The following ALK variants were observed in gnomAD, a reference collection of about 807,000 sequenced individuals.
The protein encoded by ALK is ALK receptor tyrosine kinase.
A neutral mutation model predicts 163.1 loss-of-function variants in ALK; 74 were observed. The observed-to-expected ratio is 0.45, with a 90% CI of 0.38 to 0.55. ALK has a LOEUF of 0.55. ALK is among the 20% of genes least tolerant of loss of function. ALK has a pLI of 0.00. For missense variants in ALK, 2,063 were observed against 2,105.3 expected, an observed-to-expected ratio of 0.98 and a Z score of 0.39; for synonymous variants, 960 against 843.2, an observed-to-expected ratio of 1.14 and a Z score of -2.40.
At position 29,667,198 on chromosome 2, in the gene ALK, A is replaced by G. The variant is rs539509812; in HGVS notation, c.952+27652T>C. 2.0e-5 allele frequency among the ~76,000 whole-genome samples: 3 copies of G among 152,230 alleles called. No homozygotes were observed. In the South Asian group the frequency reaches 6.2e-4, roughly 32 times the overall value. ...TTTCCTTTCTTTTGGATATACACCC[A>G]GTAGTTGAATTGCTGGAACATATAG... is the stretch of plus-strand genomic sequence containing the variant. On this transcript the variant is annotated intron_variant, in intron 3 of 28. Coordinates refer to ENST00000389048, the MANE Select transcript of ALK (RefSeq NM_004304.5).
At chr2:29,509,201 C>T (rs994732018) in intron 4 of ALK, among the ~76,000 whole-genome samples, 26 of 152,134 alleles carry the variant, frequency 1.7e-4, no homozygotes, top group Non-Finnish European at 2.9e-5. Flanking sequence ...GGACACTCAA[C>T]ATTTAAATAA....
intron 1 of ALK, among the ~76,000 whole-genome samples, chr2:29,826,325 G>T (rs556872262): frequency 2.0e-5 from 3 of 151,890 alleles, no homozygotes; most frequent in Non-Finnish European, 4.4e-5. Context: ...TAGGAAATAC[G>T]TCTGCAGTTT....
intron 9 of ALK, among the ~76,000 whole-genome samples, chr2:29,291,496 A>C (rs1440813094): frequency 6.6e-6 from 1 of 152,206 alleles, no homozygotes; most frequent in East Asian, 1.9e-4. Flanking sequence ...GTTTAAGGGA[A>C]AATTATTTAA....
chr2:29,818,925 A>G (rs1664969928), intron 1 of ALK, among the ~76,000 whole-genome samples: 1 of 152,266 alleles, frequency 6.6e-6, no homozygotes, highest in Admixed American at 6.5e-5. Context: ...AGGGTGGCAC[A>G]TAGGCAGAAG....
intron 3 of ALK, among the ~76,000 whole-genome samples, chr2:29,597,198 G>A (rs1016907328): frequency 6.6e-5 from 10 of 152,212 alleles, no homozygotes; most frequent in Non-Finnish European, 1.3e-4. Context: ...GAGATTGGAA[G>A]GAAAGGGAAA....
intron 1 of ALK, among the ~76,000 whole-genome samples, chr2:29,808,566 T>A (rs115862091): frequency 6.6e-6 from 1 of 152,166 alleles, no homozygotes; most frequent in African/African-American, 2.4e-5. Flanking sequence ...AGACCCAGGA[T>A]ACCTATCAGA....
chr2:29,836,304 T>C (rs1231797160), intron 1 of ALK, among the ~76,000 whole-genome samples: 2 of 152,102 alleles, frequency 1.3e-5, no homozygotes, highest in Non-Finnish European at 2.9e-5. Context: ...AAAATTGCAG[T>C]GGTTGGACAT....
At chr2:29,894,900 C>T (rs1419370088) in intron 1 of ALK, among the ~76,000 whole-genome samples, 1 of 151,828 alleles carries the variant, frequency 6.6e-6, no homozygotes, top group South Asian at 2.1e-4. Flanking sequence ...CTCTTAAATG[C>T]ACTTGGTGGT....
rs374792948 is a variant in ALK at position 29,267,803 on chromosome 2, A to G, written c.2041+7296T>C. On this transcript the variant is annotated intron_variant, in intron 11 of 28. Transcript: ENST00000389048. ...CAAGCAGAGAGCTAAATAGGCTCTG[A>G]GAAGATGCAGAGCTGTTTTACAGGC... Among the ~76,000 whole-genome samples the G allele has an allele frequency of 3.3e-5, 5 of 152,344 alleles. 1 individual carries two copies. The highest frequency in any genetic ancestry group is 1.2e-4 in the African/African-American group (5 of 41,576).
intron 28 of ALK, 105 bp from the exon 29 acceptor site, chr2:29,194,027 AAACCAGGATTTATTGAGAATATAGT>A: frequency 8.8e-7 from 1 of 1,140,084 alleles, no homozygotes; most frequent in South Asian, 1.3e-5. Context: ...ACAGATGAGG[AAACCAGGATTTATTGAGAATATAGT>A]AACTTACAGG....
In ALK at chr2:29,574,065, T is replaced by TAAA. The variant is rs5830124; in HGVS notation, c.953-41952_953-41950dup. 6.9e-4 allele frequency among the ~76,000 whole-genome samples: 103 copies of TAAA among 149,814 alleles called. 1 individual carries two copies. Among genetic ancestry groups the TAAA allele is most frequent in the African/African-American group, 2.3e-3 (96 of 40,876 alleles). On this transcript the variant is annotated intron_variant, in intron 3 of 28. Coordinates refer to ENST00000389048, the MANE Select transcript of ALK (RefSeq NM_004304.5). ...GCCAGAACCCCCTATCTGAAAAAAATAAAAAAAAAAATGTCCTTGCAGCAT... is the reference window on the plus strand; with the variant it reads ...GCCAGAACCCCCTATCTGAAAAAAATAAAAAAAAAAAAAATGTCCTTGCAGCAT...
At position 29,763,950 on chromosome 2, in the gene ALK, G is replaced by A. The variant is rs545540604; in HGVS notation, c.668-46253C>T. ...TCAGGGATCTTTGAAACTCCCTCTC[G>A]TAACACCCTGTTTATTCTGCTCTCA... is the stretch of plus-strand genomic sequence containing the variant. On this transcript the variant is annotated intron_variant, in intron 1 of 28. Coordinates refer to ENST00000389048, the MANE Select transcript of ALK (RefSeq NM_004304.5). Among the ~76,000 whole-genome samples the A allele has an allele frequency of 9.9e-5, 15 of 152,212 alleles. No individual in the cohort carries two copies. In the South Asian group the frequency reaches 1.0e-3, roughly 11 times the overall value.
At chr2:29,228,677 G>A (rs1259150468) in intron 16 of ALK, among the ~76,000 whole-genome samples, 1 of 151,700 alleles carries the variant, frequency 6.6e-6, no homozygotes, top group Non-Finnish European at 1.5e-5. Context: ...TGATGCTGTC[G>A]CTGAGGAAGC....
chr2:29,208,582 T>C (rs890293591), intron 25 of ALK, among the ~76,000 whole-genome samples: 1 of 152,196 alleles, frequency 6.6e-6, no homozygotes, highest in Non-Finnish European at 1.5e-5. Context: ...GAGACGTCTT[T>C]ACTACATCTT....
chr2:29,385,415 G>A (rs891093272), intron 4 of ALK, among the ~76,000 whole-genome samples: 1 of 149,730 alleles, frequency 6.7e-6, no homozygotes, highest in Non-Finnish European at 1.5e-5. Context: ...TTGAGACAGG[G>A]TCTTGCTGTA....
chr2:29,760,013 A>G (rs925317045), intron 1 of ALK, among the ~76,000 whole-genome samples: 1 of 152,230 alleles, frequency 6.6e-6, no homozygotes, highest in Admixed American at 6.5e-5. Flanking sequence ...ACCTCTGCCT[A>G]TCATTCTCAC....
At chr2:29,291,780 T>C (rs1187625206) in intron 9 of ALK, among the ~76,000 whole-genome samples, 2 of 152,184 alleles carry the variant, frequency 1.3e-5, no homozygotes, top group Non-Finnish European at 2.9e-5. Context: ...TTACCGGAAA[T>C]CTCTGGATTT....
chr2:29,529,543 A>T (rs1459564349), intron 4 of ALK, among the ~76,000 whole-genome samples: 1 of 152,212 alleles, frequency 6.6e-6, no homozygotes, highest in Non-Finnish European at 1.5e-5. Context: ...AGAGCAGGCA[A>T]ATCTCCATCC....
intron 3 of ALK, among the ~76,000 whole-genome samples, chr2:29,677,860 A>C (rs946218590): frequency 2.0e-5 from 3 of 152,098 alleles, no homozygotes; most frequent in Non-Finnish European, 4.4e-5. Flanking sequence ...AATAATTGGC[A>C]TAATTTATTC....
Sources: gnomAD v4.1 joint callset for allele counts (sites outside exome capture counted in the v4.1 genomes callset) on GRCh38, gnomAD v4.1.1 for gene constraint, MANE v1.5 for transcripts, NCBI Gene and HGNC (gene_info 2026-07-23, HGNC 2026-07-21) for gene names.